Variants in IL1RN observed in about 807,000 individuals in gnomAD.
The protein encoded by IL1RN is interleukin-1 receptor antagonist protein.
A neutral mutation model predicts 13.7 loss-of-function variants in IL1RN; 10 were observed. The observed-to-expected ratio is 0.73, with a 90% confidence interval of 0.45 to 1.24. The LOEUF is 1.24. Among genes scored for constraint, IL1RN ranks in the 50% most tolerant of loss-of-function variants. The pLI is 0.00. For synonymous variants in IL1RN, 102 were observed against 82.7 expected, an observed-to-expected ratio of 1.23 and a Z score of -1.27; for missense variants, 213 against 222.1, an observed-to-expected ratio of 0.96 and a Z score of 0.26.
chr2:113,132,821 C>G lies in IL1RN; in HGVS notation c.484C>G (p.Pro162Ala). ...CCAGCCCGTCAGCCTCACCAATATG[C>G]CTGACGAAGGCGTCATGGTCACCAA... ...ADQPVSLTNM[P>A]DEGVMVTKFY... is the part of the protein sequence containing the mutation. Residue 162 changes from proline (P) to alanine (A), a missense_variant, in exon 4 of 4, where the codon CCT (proline) becomes GCT (alanine). Pro to Ala is a conservative substitution (Grantham distance 27). Coordinates refer to ENST00000409930, the MANE Select transcript of IL1RN (RefSeq NM_173842.3). 1 of 1,614,234 alleles carries G rather than the reference C, an allele frequency of 6.2e-7. No homozygotes were observed.
chr2:113,106,972 T>G (rs1459806328), upstream of IL1RN, among the ~76,000 whole-genome samples: 1 of 152,126 alleles, frequency 6.6e-6, no homozygotes, highest in Non-Finnish European at 1.5e-5. Context: ...AACAGCAAAA[T>G]GAATATAGTT....
upstream of IL1RN, among the ~76,000 whole-genome samples, chr2:113,107,811 T>C (rs921988027): frequency 6.6e-6 from 1 of 152,214 alleles, no homozygotes; most frequent in African/African-American, 2.4e-5. Flanking sequence ...TGAATGAGAT[T>C]ACTTCCTAAA....
upstream of IL1RN, among the ~76,000 whole-genome samples, chr2:113,103,519 A>G (rs971797268): frequency 1.3e-5 from 2 of 152,214 alleles, no homozygotes; most frequent in African/African-American, 4.8e-5. Flanking sequence ...GGCCTCTAGC[A>G]GCTAGCAATG....
intron 1 of IL1RN, 115 bp downstream of exon 1, chr2:113,127,855 G>C: frequency 3.1e-6 from 3 of 961,544 alleles, no homozygotes; most frequent in Non-Finnish European, 4.9e-6. Flanking sequence ...GTTTGGGCTG[G>C]AGAGGATGTC....
In IL1RN at chr2:113,132,981, A is replaced by G; in HGVS notation, c.*110A>G. 3 of 1,046,868 alleles carry G rather than the reference A, an allele frequency of 2.9e-6. No individual in the cohort carries two copies. Among genetic ancestry groups the G allele is most frequent in the Non-Finnish European group, 4.5e-6 (3 of 674,080 alleles). The allele number at this position is 1,046,868 out of a possible 1,614,324, so 64.8% of individuals were successfully genotyped here. Reference sequence around the variant, plus strand: ...TGGGGGCACTGAGGACCAGCCATTGAGGGGTGGACCCTCAGAAGGCGTCAC... The same window carrying G: ...TGGGGGCACTGAGGACCAGCCATTGGGGGGTGGACCCTCAGAAGGCGTCAC... On this transcript the variant is annotated 3_prime_UTR_variant, in exon 4 of 4. Coordinates refer to ENST00000409930, the MANE Select transcript of IL1RN (RefSeq NM_173842.3).
At chr2:113,103,568 A>G (rs1162417710), upstream of IL1RN, among the ~76,000 whole-genome samples, 1 of 152,242 alleles carries the variant, frequency 6.6e-6, no homozygotes, top group Non-Finnish European at 1.5e-5. Flanking sequence ...CAGAAAGATC[A>G]CAGCAGTGCT....
upstream of IL1RN, among the ~76,000 whole-genome samples, chr2:113,102,710 T>C (rs1351490178): frequency 6.6e-6 from 1 of 151,906 alleles, no homozygotes; most frequent in African/African-American, 2.4e-5. Context: ...GGTTTCTCTC[T>C]TTGGGCAGGC....
At chr2:113,099,733 T>C in the IL1RN span, among the ~76,000 whole-genome samples, 3 of 81,560 alleles carry the variant, frequency 3.7e-5, no homozygotes, top group East Asian at 4.9e-4. Context: ...CTTTTCTTTT[T>C]TTTTTTTTTT....
Position 113,120,113 on chromosome 2 carries a change from A to C in IL1RN, c.58A>C (p.Asn20His), listed in dbSNP as rs369994270. 14 of 1,613,236 alleles carry C rather than the reference A, an allele frequency of 8.7e-6. No individual in the cohort carries two copies. The highest frequency in any genetic ancestry group is 5.3e-5 in the African/African-American group (4 of 74,788). The change falls in exon 2 of 6, where the codon AAT becomes CAT. Residue 20 changes from asparagine (N) to histidine (H), a missense_variant. Asn to His is a moderately conservative substitution (Grantham distance 68). Coordinates refer to the IL1RN transcript ENST00000259206. ...TGGAGGAGGAGGAGAAGGTGAAGAC[A>C]ATGCTGACTCAAAGGGTAAATTATT... is the stretch of plus-strand genomic sequence containing the variant.
chr2:113,121,136 TCATCGTC>T (rs1227431888), intron 2 of IL1RN, among the ~76,000 whole-genome samples: 3 of 38,924 alleles, frequency 7.7e-5, no homozygotes, highest in African/African-American at 1.7e-4. Flanking sequence ...TTATTCTTCT[TCATCGTC>T]TTCGTCTTCG....
upstream of IL1RN, among the ~76,000 whole-genome samples, chr2:113,116,294 G>A (rs4251955): frequency 0.014 from 2,113 of 152,326 alleles, 44 homozygotes; most frequent in African/African-American, 0.048. Context: ...GGTTTACAAA[G>A]TTGACATTTA....
chr2:113,123,438 G>A (rs1686847982), upstream of IL1RN, among the ~76,000 whole-genome samples: 2 of 152,164 alleles, frequency 1.3e-5, no homozygotes, highest in South Asian at 2.1e-4. Context: ...TACAGGGAGG[G>A]TCCCTGATAA....
intron 3 of IL1RN, 39 bp from the exon 4 acceptor site, chr2:113,132,617 T>C (rs1008188274): frequency 4.4e-6 from 7 of 1,579,398 alleles, no homozygotes; most frequent in Middle Eastern, 1.7e-4. Context: ...CAGGACTTCC[T>C]AGGCCTCAGC....
At chr2:113,100,325 CAAAA>C in the IL1RN span, among the ~76,000 whole-genome samples, 2 of 78,624 alleles carry the variant, frequency 2.5e-5, no homozygotes, top group South Asian at 4.1e-4. Flanking sequence ...GACTCCGTCT[CAAAA>C]AAAAAAAAAA....
upstream of IL1RN, among the ~76,000 whole-genome samples, chr2:113,116,311 T>G (rs1032820692): frequency 1.3e-5 from 2 of 152,202 alleles, no homozygotes; most frequent in African/African-American, 4.8e-5. Context: ...TTTACGAAGT[T>G]TCCAGGTTTA....
At chr2:113,118,808 G>T (rs761241778) in intron 1 of IL1RN, among the ~76,000 whole-genome samples, 1 of 152,136 alleles carries the variant, frequency 6.6e-6, no homozygotes, top group Non-Finnish European at 1.5e-5. Flanking sequence ...AGGCCAAGGT[G>T]GGTGGATCTC....
chr2:113,122,164 C>G (rs1489247037), intron 2 of IL1RN, among the ~76,000 whole-genome samples: 1 of 152,190 alleles, frequency 6.6e-6, no homozygotes, highest in Admixed American at 6.5e-5. Context: ...AAGCTGGATG[C>G]CAACATTTCA....
At chr2:113,113,168 C>A (rs941599354), upstream of IL1RN, 1 of 152,098 alleles carries the variant, frequency 6.6e-6, no homozygotes, top group South Asian at 2.1e-4. Flanking sequence ...ATGGAAAGAA[C>A]CTAAATGTCA....
upstream of IL1RN, among the ~76,000 whole-genome samples, chr2:113,104,764 G>A (rs1450282597): frequency 2.0e-5 from 3 of 152,058 alleles, no homozygotes; most frequent in Non-Finnish European, 4.4e-5. Flanking sequence ...TTCTTTTTGA[G>A]TCCCATTATA....
Sources: gnomAD v4.1 joint callset for allele counts (sites outside exome capture counted in the v4.1 genomes callset) on GRCh38, gnomAD v4.1.1 for gene constraint, MANE v1.5 for transcripts, NCBI Gene and HGNC (gene_info 2026-07-23, HGNC 2026-07-21) for gene names.